The following NELL2 variants were observed in gnomAD, a reference collection of about 807,000 sequenced individuals.
The protein encoded by NELL2 is protein kinase C-binding protein NELL2.
In NELL2, 41 loss-of-function variants were observed where a neutral mutation model predicts 109.6. The ratio of observed to expected loss-of-function variants is 0.37; its 90% CI spans 0.29 to 0.49. The LOEUF (loss-of-function observed/expected upper bound fraction) is 0.49. Among genes scored for constraint, NELL2 ranks in the 20% least tolerant of loss-of-function variants. The pLI, the probability that NELL2 is intolerant of heterozygous loss-of-function variation, is 0.98. For synonymous variants in NELL2, 355 were observed against 344.7 expected (o/e 1.03, Z -0.33); for missense variants, 900 against 1,008.3 (o/e 0.89, Z 1.45).
At chr12:44,600,362 G>C (rs1231083465) in intron 15 of NELL2, among the ~76,000 whole-genome samples, 2 of 151,664 alleles carry the variant, frequency 1.3e-5, no homozygotes, top group East Asian at 3.9e-4. Flanking sequence ...ACTGCTCTAA[G>C]AGAGTACTAA....
intron 17 of NELL2, among the ~76,000 whole-genome samples, chr12:44,522,503 G>C (rs1168516119): frequency 6.6e-6 from 1 of 151,918 alleles, no homozygotes; most frequent in Non-Finnish European, 1.5e-5. Flanking sequence ...TATTAGTATG[G>C]TAAGTTGCAT....
rs139385598 is a variant in NELL2, at chr12:44,750,594, T to G, written c.994+24153A>C. ...TTGAACTACCAAGAAATTCACTAGA[T>G]TCAGGTGACCATTGCTCATGGAAAA... On this transcript the variant is annotated intron_variant, in intron 9 of 19. Transcript: ENST00000429094. Among the ~76,000 whole-genome samples, 12 of 152,254 alleles carry G rather than the reference T, an allele frequency of 7.9e-5. 1 individual carries two copies. The highest frequency in any genetic ancestry group is 1.5e-4 in the Non-Finnish European group (10 of 68,020).
At chr12:44,916,788 G>C (rs372657039), upstream of NELL2, among the ~76,000 whole-genome samples, 1 of 152,012 alleles carries the variant, frequency 6.6e-6, no homozygotes, top group African/African-American at 2.4e-5. Context: ...AGACTCACAA[G>C]GTCAGAAAAC....
intron 15 of NELL2, among the ~76,000 whole-genome samples, chr12:44,576,226 C>T (rs892597886): frequency 4.6e-5 from 7 of 152,218 alleles, no homozygotes; most frequent in East Asian, 1.9e-4. Flanking sequence ...CCACGCACAA[C>T]GTGGATGGCC....
At chr12:44,868,621 T>C (rs1166771692) in intron 2 of NELL2, among the ~76,000 whole-genome samples, 2 of 152,112 alleles carry the variant, frequency 1.3e-5, no homozygotes, top group Non-Finnish European at 2.9e-5. Context: ...TTATGTAAAG[T>C]GAAATAAGCC....
intron 15 of NELL2, among the ~76,000 whole-genome samples, chr12:44,574,246 C>T (rs994997715): frequency 4.0e-5 from 6 of 151,858 alleles, no homozygotes; most frequent in Admixed American, 2.6e-4. Context: ...GGATTACAGG[C>T]GTGCGCCACA....
chr12:44,816,199 A>G (rs1943343810), intron 2 of NELL2, 63 bp from the exon 3 acceptor site: 1 of 1,383,218 alleles, frequency 7.2e-7, no homozygotes, highest in South Asian at 1.5e-5. Context: ...TATCTTTTAC[A>G]TGTAACATCT....
chr12:44,867,886 G>A (rs182846149), intron 2 of NELL2, among the ~76,000 whole-genome samples: 7 of 152,158 alleles, frequency 4.6e-5, no homozygotes, highest in Non-Finnish European at 8.8e-5. Flanking sequence ...TTGTGAGCCC[G>A]AGGCGGTCCA....
chr12:44,826,876 C>A (rs924022311), intron 2 of NELL2, among the ~76,000 whole-genome samples: 1 of 152,138 alleles, frequency 6.6e-6, no homozygotes, highest in African/African-American at 2.4e-5. Flanking sequence ...GCGGATAAAC[C>A]CTTATTTTAA....
At chr12:44,660,226 C>T (rs1290470723) in intron 13 of NELL2, among the ~76,000 whole-genome samples, 2 of 152,248 alleles carry the variant, frequency 1.3e-5, no homozygotes. Context: ...GGAAAATATG[C>T]ATCTTACAAT....
At position 44,805,449 on chromosome 12, in the gene NELL2, G is replaced by A. The variant is rs141828410; in HGVS notation, c.335+10537C>T. ...AGAAACCGACCTCAGCATTGATGGA[G>A]ATTTGAGGTGACATTACAAATCAGT... On this transcript the variant is annotated intron_variant, in intron 3 of 19. Coordinates refer to ENST00000429094, the MANE Select transcript of NELL2 (RefSeq NM_001145108.2). Among the ~76,000 whole-genome samples, 432 of 152,016 alleles carry A rather than the reference G, an allele frequency of 2.8e-3. 1 individual carries two copies. The highest frequency in any genetic ancestry group is 0.01 in the African/African-American group (418 of 41,544).
At chr12:44,899,238 C>T (rs1037619474) in intron 1 of NELL2, among the ~76,000 whole-genome samples, 2 of 152,130 alleles carry the variant, frequency 1.3e-5, no homozygotes, top group African/African-American at 4.8e-5. Flanking sequence ...GACAGGCCAA[C>T]ATTCAAATTC....
intron 15 of NELL2, among the ~76,000 whole-genome samples, chr12:44,545,912 C>G (rs1468217283): frequency 8.5e-5 from 13 of 152,054 alleles, no homozygotes. Context: ...AATACTTGAT[C>G]TACTTAAAGA....
chr12:44,597,074 C>T (rs1307865992), intron 15 of NELL2, among the ~76,000 whole-genome samples: 2 of 152,098 alleles, frequency 1.3e-5, no homozygotes, highest in Non-Finnish European at 2.9e-5. Context: ...ATTGAACATG[C>T]AGGGTGATCT....
intron 12 of NELL2, among the ~76,000 whole-genome samples, chr12:44,686,755 G>A (rs1948730980): frequency 6.6e-6 from 1 of 152,206 alleles, no homozygotes; most frequent in African/African-American, 2.4e-5. Context: ...ACCCACTTGA[G>A]GAGGCAGTCT....
At chr12:44,754,440 CTCTAGAG>C (rs1940791827) in intron 9 of NELL2, among the ~76,000 whole-genome samples, 1 of 152,172 alleles carries the variant, frequency 6.6e-6, no homozygotes, top group South Asian at 2.1e-4. Context: ...CAGCTCCCTC[CTCTAGAG>C]TCTACATTCA....
At chr12:44,833,420 G>A (rs1046073683) in intron 2 of NELL2, among the ~76,000 whole-genome samples, 7 of 152,062 alleles carry the variant, frequency 4.6e-5, no homozygotes, top group Admixed American at 2.6e-4. Context: ...ACTTTGTGCT[G>A]CCTTATAGTT....
At chr12:44,580,986 C>T (rs896726398) in intron 15 of NELL2, among the ~76,000 whole-genome samples, 1 of 152,042 alleles carries the variant, frequency 6.6e-6, no homozygotes, top group Non-Finnish European at 1.5e-5. Context: ...AAACATGTTA[C>T]CTTCATTTTG....
chr12:44,804,654 T>C (rs889277658), intron 3 of NELL2, among the ~76,000 whole-genome samples: 1 of 151,928 alleles, frequency 6.6e-6, no homozygotes, highest in African/African-American at 2.4e-5. Context: ...TTAAAGAGTA[T>C]TTGTGAAGTT....
Sources: gnomAD v4.1 joint callset for allele counts (sites outside exome capture counted in the v4.1 genomes callset) on GRCh38, gnomAD v4.1.1 for gene constraint, MANE v1.5 for transcripts, NCBI Gene and HGNC (gene_info 2026-07-23, HGNC 2026-07-21) for gene names.